Variants in HSPA12A observed in about 807,000 individuals in gnomAD.
The protein encoded by HSPA12A is heat shock protein family A (Hsp70) member 12A.
Under a neutral mutation model 69.2 loss-of-function variants are expected in HSPA12A, and 28 were observed. The observed-to-expected ratio is 0.40, with a 90% confidence interval of 0.30 to 0.55. The LOEUF is 0.55. Ranked by LOEUF, HSPA12A falls within the 20% of genes least tolerant of loss-of-function variation. HSPA12A has a pLI of 0.38. For synonymous variants in HSPA12A, 345 were observed against 370.5 expected (o/e 0.93, Z 0.79); for missense variants, 686 against 900.7 (o/e 0.76, Z 3.05).
intron 1 of HSPA12A, among the ~76,000 whole-genome samples, chr10:116,733,018 T>G (rs1788436883): frequency 6.6e-6 from 1 of 152,214 alleles, no homozygotes; most frequent in South Asian, 2.1e-4. Flanking sequence ...TAGCTGTGGA[T>G]GTATCCATGA....
intron 2 of HSPA12A, among the ~76,000 whole-genome samples, chr10:116,789,480 A>T (rs780362162): frequency 2.6e-5 from 4 of 152,198 alleles, no homozygotes; most frequent in Non-Finnish European, 5.9e-5. Context: ...AAGATTTTTT[A>T]AAAATATTAT....
At chr10:116,823,520 A>C (rs979574491) in intron 2 of HSPA12A, among the ~76,000 whole-genome samples, 1 of 152,212 alleles carries the variant, frequency 6.6e-6, no homozygotes, top group Non-Finnish European at 1.5e-5. Context: ...CACAGTGATC[A>C]AGATAGTGTG....
At chr10:116,838,278 G>A (rs150076984) in intron 1 of HSPA12A, among the ~76,000 whole-genome samples, 161 of 152,246 alleles carry the variant, frequency 1.1e-3, no homozygotes, top group Non-Finnish European at 1.6e-3. Context: ...GGGTGGGATG[G>A]GAGGGCCCGG....
At chr10:116,773,493 G>A (rs781818641) in intron 2 of HSPA12A, among the ~76,000 whole-genome samples, 3 of 152,206 alleles carry the variant, frequency 2.0e-5, no homozygotes, top group Non-Finnish European at 4.4e-5. Flanking sequence ...AGCGGGTTTC[G>A]AGAAGGTAAC....
chr10:116,766,459 C>T (rs1302707282), intron 2 of HSPA12A, among the ~76,000 whole-genome samples: 1 of 152,194 alleles, frequency 6.6e-6, no homozygotes, highest in African/African-American at 2.4e-5. Flanking sequence ...CCCTACCCAG[C>T]TCCCACCTCC....
intron 2 of HSPA12A, among the ~76,000 whole-genome samples, chr10:116,791,716 A>G (rs1192573798): frequency 1.3e-5 from 2 of 152,124 alleles, no homozygotes; most frequent in Non-Finnish European, 2.9e-5. Context: ...ATGCAACTAA[A>G]TTGTTGAGAA....
intron 2 of HSPA12A, among the ~76,000 whole-genome samples, chr10:116,788,866 ATTTTTT>A (rs34187640): frequency 1.4e-5 from 2 of 138,668 alleles, no homozygotes; most frequent in East Asian, 2.1e-4. Context: ...CTACGCAGCT[ATTTTTT>A]TTTTTTTTTT....
intron 2 of HSPA12A, among the ~76,000 whole-genome samples, chr10:116,778,090 C>T (rs115277177): frequency 0.025 from 3,877 of 152,242 alleles, 145 homozygotes; most frequent in African/African-American, 0.086. Flanking sequence ...GCAAATTTAA[C>T]AACTGGTTCT....
At chr10:116,821,263 C>T (rs556759057) in intron 2 of HSPA12A, among the ~76,000 whole-genome samples, 2 of 152,226 alleles carry the variant, frequency 1.3e-5, no homozygotes, top group African/African-American at 2.4e-5. Context: ...TAAGGCCCTA[C>T]GTGGCCTCAT....
At chr10:116,766,504 C>G (rs782652229) in intron 2 of HSPA12A, among the ~76,000 whole-genome samples, 3 of 152,186 alleles carry the variant, frequency 2.0e-5, no homozygotes, top group Non-Finnish European at 2.9e-5. Flanking sequence ...ACACTTCTGC[C>G]CATCTGCATC....
chr10:116,681,327 A>G (rs1234182644), intron 8 of HSPA12A, 71 bp from the exon 9 acceptor site: 3 of 1,247,550 alleles, frequency 2.4e-6, no homozygotes, highest in Non-Finnish European at 3.5e-6. Context: ...TGTGGGTGGT[A>G]ACTAGGTAGA....
At chr10:116,781,701 A>G (rs1286286448) in intron 2 of HSPA12A, among the ~76,000 whole-genome samples, 5 of 151,882 alleles carry the variant, frequency 3.3e-5, no homozygotes, top group African/African-American at 1.2e-4. Context: ...CTCTTGCCTC[A>G]CTCCAGTTTT....
At chr10:116,735,779 T>C (rs2133056965) in intron 1 of HSPA12A, among the ~76,000 whole-genome samples, 1 of 151,924 alleles carries the variant, frequency 6.6e-6, no homozygotes, top group Non-Finnish European at 1.5e-5. Flanking sequence ...GGAGGGTTGC[T>C]TGAGCCCAGG....
At chr10:116,718,041 T>C (rs1638427) in intron 1 of HSPA12A, among the ~76,000 whole-genome samples, 149,316 of 152,290 alleles carry the variant, frequency 0.98, 73,264 homozygotes, top group East Asian at 1. Context: ...ACAGGGAAGC[T>C]CAGTCTCCAT....
chr10:116,760,509 T>C (rs1589689992), intron 2 of HSPA12A, among the ~76,000 whole-genome samples: 1 of 152,128 alleles, frequency 6.6e-6, no homozygotes, highest in African/African-American at 2.4e-5. Flanking sequence ...ATCTCCTTGC[T>C]CCCAGCAGGA....
At chr10:116,717,367 T>C (rs1201377948) in intron 1 of HSPA12A, among the ~76,000 whole-genome samples, 3 of 152,214 alleles carry the variant, frequency 2.0e-5, no homozygotes, top group Non-Finnish European at 4.4e-5. Flanking sequence ...GGAGTCACCA[T>C]CACAGGGCAG....
chr10:116,809,672 A>C (rs1621076), intron 2 of HSPA12A, among the ~76,000 whole-genome samples: 3 of 152,220 alleles, frequency 2.0e-5, no homozygotes, highest in Non-Finnish European at 4.4e-5. Context: ...GATTCAGGAA[A>C]ATTGGCGGTT....
chr10:116,826,101 AC>A (rs1845500082), intron 2 of HSPA12A, among the ~76,000 whole-genome samples: 1 of 151,466 alleles, frequency 6.6e-6, no homozygotes, highest in Non-Finnish European at 1.5e-5. Context: ...CACATGCCCC[AC>A]CCCCACACAC....
At chr10:116,724,596 G>A (rs1850889520) in intron 1 of HSPA12A, among the ~76,000 whole-genome samples, 1 of 152,188 alleles carries the variant, frequency 6.6e-6, no homozygotes, top group African/African-American at 2.4e-5. Context: ...TCTGAGTGTG[G>A]GGTCCTGGCT....
Sources: allele counts gnomAD v4.1 joint callset (sites outside exome capture counted in the v4.1 genomes callset), GRCh38; gene constraint gnomAD v4.1.1; transcripts MANE v1.5; gene names NCBI Gene and HGNC (gene_info 2026-07-23, HGNC 2026-07-21).